TMEM187: variants seen among roughly 807,000 people sequenced by gnomAD.
TMEM187 encodes the protein chromosome X open reading frame 12.
TMEM187 carries 14 observed loss-of-function variants against 11.8 expected under a neutral mutation model. The observed-to-expected ratio is 1.18, with a 90% CI of 0.78 to 1.85. TMEM187 has a LOEUF of 1.85. TMEM187 is among the 40% of genes most tolerant of loss of function. TMEM187 has a pLI of 0.00. For missense variants in TMEM187, 227 were observed against 243.9 expected, an observed-to-expected ratio of 0.93 and a Z score of 0.46; for synonymous variants, 112 against 118.5, an observed-to-expected ratio of 0.95 and a Z score of 0.36.
rs1213851528 is a variant in TMEM187, at chrX:153,982,051, C to T, written c.-12C>T. 11 of 1,212,369 alleles carry T rather than the reference C, an allele frequency of 9.1e-6. No individual in the cohort carries two copies. The highest frequency in any genetic ancestry group is 8.9e-5 in the East Asian group (3 of 33,874). ...TGAAGCTCCCTGCCCCAGGTCACGC[C>T]GCCGGTTCCAGATGAATCCAGAGTG... is the stretch of plus-strand genomic sequence containing the variant. On this transcript the variant is annotated 5_prime_UTR_variant, in exon 2 of 2. Transcript: ENST00000369982.
intron 1 of TMEM187, chrX:153,980,567 A>G (rs6643653): frequency 0.21 from 22,727 of 110,437 alleles, 2,495 homozygotes; most frequent in East Asian, 0.76. Flanking sequence ...CGGGGCTGGC[A>G]CAGATGGTTT....
rs782752464 is a variant in TMEM187 at position 153,982,575 on chromosome X, G to T, written c.513G>T (p.Val171=). 4.1e-6 allele frequency: 5 copies of T among 1,210,625 alleles called. No individual in the cohort carries two copies. The South Asian group carries it at 8.8e-5, about 21-fold the overall frequency. ...QGFEVALGAH[V]VAAVGQALRT... ...TCGAGGTCGCACTGGGTGCTCACGT[G>T]GTGGCCGCTGTGGGGCAGGCGCTGC... Residue 171 remains valine, a synonymous_variant, in exon 2 of 2, where the codon GTG becomes GTT. Transcript: ENST00000369982.
rs368873402 is a variant in TMEM187 at position 153,982,874 on chromosome X, C to T, written c.*26C>T. ...ACCCAGGGAAGAACCTGCTGAAAAC[C>T]GATGACCCCCAGCATTGAAATGGAC... On this transcript the variant is annotated 3_prime_UTR_variant, in exon 2 of 2. Coordinates refer to ENST00000369982, the MANE Select transcript of TMEM187 (RefSeq NM_003492.3). The T allele has an allele frequency of 3.6e-5, 43 of 1,209,961 alleles. No homozygotes were observed. The highest frequency in any genetic ancestry group is 1.7e-5 in the African/African-American group (1 of 57,202).
In TMEM187 at chrX:153,982,085, C is replaced by T; in HGVS notation, c.23C>T (p.Ala8Val). The T allele has an allele frequency of 8.2e-7, 1 of 1,212,570 alleles. No individual in the cohort carries two copies. Among genetic ancestry groups the T allele is most frequent in the African/African-American group, 1.7e-5 (1 of 58,102 alleles). MNPEWGQ[A>V]FVHVAVAGGL... is the part of the protein sequence containing the mutation. ...CAGATGAATCCAGAGTGGGGGCAGGCCTTCGTGCACGTGGCCGTGGCCGGT... is the reference window on the plus strand; with the variant it reads ...CAGATGAATCCAGAGTGGGGGCAGGTCTTCGTGCACGTGGCCGTGGCCGGT... Residue 8 changes from alanine to valine, a missense_variant, in exon 2 of 2, where the codon GCC becomes GTC. By Grantham distance (64) the Ala-to-Val change is moderately conservative. Transcript: ENST00000369982.
Position 153,982,200 on chromosome X carries a change from C to T in TMEM187, c.138C>T (p.Ala46=), listed in dbSNP as rs146231871. 7.4e-5 allele frequency: 90 copies of T among 1,211,659 alleles called. No homozygotes were observed. The highest frequency in any genetic ancestry group is 9.3e-5 in the Non-Finnish European group (83 of 895,539). ...AGCACTACGCCGAGGCGCCCGTGGC[C>T]GGCCTCCCTGCCTTCCTGGCCATGC... ...GYEHYAEAPV[A]GLPAFLAMPF... is the part of the protein sequence containing the mutation. Residue 46 remains alanine (A), a synonymous_variant, in exon 2 of 2, where the codon GCC becomes GCT. Coordinates refer to ENST00000369982, the MANE Select transcript of TMEM187 (RefSeq NM_003492.3).
Position 153,982,114 on chromosome X carries a change from C to G in TMEM187, c.52C>G (p.Leu18Val). 1 of 1,212,553 alleles carries G rather than the reference C, an allele frequency of 8.2e-7. No individual in the cohort carries two copies. Among genetic ancestry groups the G allele is most frequent in the Non-Finnish European group, 1.1e-6 (1 of 895,662 alleles). ...CGTGCACGTGGCCGTGGCCGGTGGC[C>G]TCTGTGCCGTGGCTGTGTTCACGGG... ...AFVHVAVAGG[L>V]CAVAVFTGIF... Residue 18 changes from leucine to valine, a missense_variant, in exon 2 of 2, where the codon CTC becomes GTC. Leu to Val is a conservative substitution (Grantham distance 32). Transcript: ENST00000369982.
intron 1 of TMEM187, among the ~76,000 whole-genome samples, chrX:153,976,186 T>C (rs2065577140): frequency 8.9e-6 from 1 of 111,974 alleles, no homozygotes; most frequent in South Asian, 3.6e-4. Context: ...TGGATTGATA[T>C]GTAAAGAAAA....
At chrX:153,981,811 G>C in intron 1 of TMEM187, 39 bp from the exon 2 acceptor site, 3 of 482,249 alleles carry the variant, frequency 6.2e-6, no homozygotes, top group Non-Finnish European at 1.0e-5. Context: ...TGCTGGGGAC[G>C]GTTTGTTTTC....
At chrX:153,977,189 A>G (rs1260666409) in intron 1 of TMEM187, among the ~76,000 whole-genome samples, 5 of 112,559 alleles carry the variant, frequency 4.4e-5, no homozygotes, top group South Asian at 3.6e-4. Context: ...TCAAAAGACT[A>G]TAAGAAAGGA....
intron 1 of TMEM187, among the ~76,000 whole-genome samples, chrX:153,979,755 T>C (rs1339624280): frequency 1.5e-5 from 1 of 65,788 alleles, no homozygotes; most frequent in Non-Finnish European, 2.9e-5. Flanking sequence ...TTTTTTTTTT[T>C]AGATGGAGTC....
At position 153,982,387 on chromosome X, in the gene TMEM187, C is replaced by T. The variant is rs782508666; in HGVS notation, c.325C>T (p.Arg109Cys). Residue 109 changes from arginine to cysteine, a missense_variant, in exon 2 of 2, where the codon CGC becomes TGC. Physicochemically the swap from Arg to Cys is radical, Grantham distance 180. Coordinates refer to ENST00000369982, the MANE Select transcript of TMEM187 (RefSeq NM_003492.3). Reference protein sequence around the residue: ...VQWLRLWTQWRRAAVLDQWLT... With the variant: ...VQWLRLWTQWCRAAVLDQWLT... Reference sequence around the variant, plus strand: ...GTGGCTGCGCCTGTGGACGCAGTGGCGCCGTGCCGCGGTGCTGGACCAGTG... The same window carrying T: ...GTGGCTGCGCCTGTGGACGCAGTGGTGCCGTGCCGCGGTGCTGGACCAGTG... 9.2e-6 allele frequency: 11 copies of T among 1,196,607 alleles called. No individual in the cohort carries two copies. Among genetic ancestry groups the T allele is most frequent in the Non-Finnish European group, 1.1e-5 (10 of 891,238 alleles).
intron 1 of TMEM187, among the ~76,000 whole-genome samples, chrX:153,980,350 C>A (rs1249885523): frequency 9.0e-6 from 1 of 111,470 alleles, no homozygotes; most frequent in Admixed American, 9.5e-5. Flanking sequence ...CAGAGCAAGA[C>A]CCCCGTGTCT....
rs1239729177 is a variant in TMEM187, at chrX:153,981,913, G to A, written c.-150G>A. On this transcript the variant is annotated 5_prime_UTR_variant, in exon 2 of 2. Transcript: ENST00000369982. ...CAGCAGGACTCCTGCCTTCCTTCGG[G>A]GCAAGGTCGCAGCATCTGCCTCGGA... 9.6e-7 allele frequency: 1 copy of A among 1,038,073 alleles called. No individual in the cohort carries two copies. The highest frequency in any genetic ancestry group is 1.8e-5 in the African/African-American group (1 of 54,378). 85.5% of individuals were successfully genotyped at this position (1,038,073 alleles called of 1,213,427 possible).
rs781790320 is a variant in TMEM187 at position 153,977,868 on chromosome X, T to A, written c.-213-3982T>A. 1.6e-4 allele frequency among the ~76,000 whole-genome samples: 17 copies of A among 103,226 alleles called. No individual in the cohort carries two copies. In the South Asian group the frequency reaches 7.4e-3, roughly 45 times the overall value. 89.6% of individuals were successfully genotyped at this position (103,226 alleles called of 115,157 possible). ...AGGCAGAGGTTGCAGTGAGGCAAGATCACACCACTCCAGCCTGGACAACAG... is the reference window on the plus strand; with the variant it reads ...AGGCAGAGGTTGCAGTGAGGCAAGAACACACCACTCCAGCCTGGACAACAG... On this transcript the variant is annotated intron_variant, in intron 1 of 1. Transcript: ENST00000369982.
rs1557122498 is a variant in TMEM187 at position 153,982,075 on chromosome X, TG to T, written c.18del (p.Gln7ArgfsTer54). The T allele has an allele frequency of 8.3e-7, 1 of 1,212,096 alleles. No homozygotes were observed. Among genetic ancestry groups the T allele is most frequent in the Admixed American group, 2.2e-5 (1 of 46,118 alleles). On this transcript the variant is annotated frameshift_variant, in exon 2 of 2. Transcript: ENST00000369982. LOFTEE classifies it high-confidence loss of function. MNPE[W>X]GQAFVHVAVA... is the part of the protein sequence containing the mutation. The stretch of plus-strand genomic sequence containing the variant: ...CCGCCGGTTCCAGATGAATCCAGAG[TG>T]GGGGCAGGCCTTCGTGCACGTGGCC...
chrX:153,981,787 G>A (rs1330726642), intron 1 of TMEM187, 63 bp from the exon 2 acceptor site: 1 of 443,078 alleles, frequency 2.3e-6, no homozygotes, highest in South Asian at 3.3e-5. Context: ...CGGGGGTCAG[G>A]AACATGGAGG....
chrX:153,982,552 G>T lies in TMEM187; in HGVS notation c.490G>T (p.Glu164Ter). Residue 164 changes from glutamate to a stop codon, truncating the protein, a stop_gained, in exon 2 of 2, where the codon GAG becomes TAG. Transcript: ENST00000369982. LOFTEE classifies it high-confidence loss of function. ...CGCTCTGCTGCATCCCCAGGGCTTC[G>T]AGGTCGCACTGGGTGCTCACGTGGT... ...GLALLHPQGF[E>*]VALGAHVVAA... The T allele has an allele frequency of 8.3e-7, 1 of 1,208,820 alleles. No homozygotes were observed.
intron 1 of TMEM187, among the ~76,000 whole-genome samples, chrX:153,975,790 G>A (rs782187961): frequency 1.9e-5 from 2 of 106,233 alleles, no homozygotes; most frequent in South Asian, 8.5e-4. Flanking sequence ...GATTACAGAT[G>A]TGCGCCACCA....
At chrX:153,978,569 CTTTTTTTTTTT>C (rs781940360) in intron 1 of TMEM187, among the ~76,000 whole-genome samples, 2 of 38,921 alleles carry the variant, frequency 5.1e-5, no homozygotes, top group African/African-American at 2.6e-4. Flanking sequence ...CGCCTGGCCA[CTTTTTTTTTTT>C]TTTTTTTTTT....
Sources: allele counts gnomAD v4.1 joint callset (sites outside exome capture counted in the v4.1 genomes callset), GRCh38; gene constraint gnomAD v4.1.1; transcripts MANE v1.5; gene names NCBI Gene and HGNC (gene_info 2026-07-23, HGNC 2026-07-21).